DNAH11: variants seen among roughly 807,000 people sequenced by gnomAD.
DNAH11 encodes the protein dynein axonemal heavy chain 11.
Under a neutral mutation model 526.0 loss-of-function variants are expected in DNAH11, and 442 were observed. That is an observed-to-expected ratio of 0.84 (90% CI 0.78 to 0.91). The LOEUF is 0.91. Among genes scored for constraint, DNAH11 ranks in the 40% least tolerant of loss-of-function variants. The pLI is 0.00. For missense variants in DNAH11, 6,989 were observed against 5,448.7 expected (o/e 1.28, Z -8.90); for synonymous variants, 2,461 against 1,935.9 (o/e 1.27, Z -7.12).
chr7:21,619,381 G>C (rs1353085770), intron 24 of DNAH11, among the ~76,000 whole-genome samples, 159 bp downstream of exon 24: 3 of 152,164 alleles, frequency 2.0e-5, no homozygotes, highest in Non-Finnish European at 2.9e-5. Context: ...GCAGGAACTA[G>C]AATCATTCTA....
At chr7:21,605,520 G>T (rs776919764) in intron 18 of DNAH11, among the ~76,000 whole-genome samples, 1 of 152,174 alleles carries the variant, frequency 6.6e-6, no homozygotes, top group Non-Finnish European at 1.5e-5. Context: ...CCTACATAGA[G>T]TAGGAATTAA....
intron 54 of DNAH11, among the ~76,000 whole-genome samples, chr7:21,753,752 T>C (rs17145244): frequency 0.027 from 4,107 of 152,278 alleles, 171 homozygotes; most frequent in Admixed American, 0.11. Flanking sequence ...TCATTTCCAA[T>C]TGCTCTTTCT....
At chr7:21,582,064 T>C (rs1281937667) in intron 9 of DNAH11, 43 bp downstream of exon 9, 1 of 1,250,648 alleles carries the variant, frequency 8.0e-7, no homozygotes, top group Non-Finnish European at 1.2e-6. Flanking sequence ...TTACTATGAA[T>C]AATATAGGCT....
intron 2 of DNAH11, among the ~76,000 whole-genome samples, chr7:21,551,718 T>C (rs1359010921): frequency 6.6e-6 from 1 of 152,234 alleles, no homozygotes; most frequent in Non-Finnish European, 1.5e-5. Flanking sequence ...TATCCCATCA[T>C]GTAGTGGAGC....
chr7:21,703,801 T>A (rs569502627), intron 37 of DNAH11: 2 of 152,216 alleles, frequency 1.3e-5, no homozygotes, highest in African/African-American at 4.8e-5. Flanking sequence ...ATTTTTTAAA[T>A]TGTGGGATAT....
chr7:21,593,115 T>C (rs1784746362), intron 14 of DNAH11, among the ~76,000 whole-genome samples: 1 of 152,032 alleles, frequency 6.6e-6, no homozygotes, highest in Non-Finnish European at 1.5e-5. Context: ...CTCGAAGTCC[T>C]CCCTAGGTCA....
At chr7:21,766,568 C>G (rs933410009) in intron 55 of DNAH11, among the ~76,000 whole-genome samples, 1 of 152,190 alleles carries the variant, frequency 6.6e-6, no homozygotes, top group African/African-American at 2.4e-5. Flanking sequence ...TAACTGCCAC[C>G]TTTCCAAAGC....
chr7:21,549,098 C>G (rs1309267559), intron 2 of DNAH11, among the ~76,000 whole-genome samples: 4 of 152,196 alleles, frequency 2.6e-5, no homozygotes, highest in Admixed American at 2.6e-4. Flanking sequence ...AGGCTGGTCT[C>G]GAACTCCTGA....
chr7:21,831,298 C>T (rs546720466), intron 65 of DNAH11, among the ~76,000 whole-genome samples: 20 of 152,290 alleles, frequency 1.3e-4, no homozygotes, highest in African/African-American at 4.6e-4. Context: ...ATTCTGTTTG[C>T]TTTTCCCACC....
chr7:21,577,622 G>A (rs1583496756), intron 8 of DNAH11, among the ~76,000 whole-genome samples: 1 of 152,138 alleles, frequency 6.6e-6, no homozygotes, highest in African/African-American at 2.4e-5. Flanking sequence ...CCAACCCAGC[G>A]GTAACAAGGA....
chr7:21,725,109 A>G (rs958239628), intron 44 of DNAH11, among the ~76,000 whole-genome samples: 6 of 152,170 alleles, frequency 3.9e-5, no homozygotes, highest in Non-Finnish European at 7.3e-5. Context: ...TAAAGCAAGC[A>G]CCTCCCAGTA....
Position 21,866,651 on chromosome 7 carries a change from C to T in DNAH11, c.11678C>T (p.Thr3893Met), listed in dbSNP as rs763843747. ...AGAGCAATGCGCCCTGACAGAATGA[C>T]GTATGCTCTCAGGTGGGGTGGTCAG... The part of the protein sequence containing the change: ...LLRAMRPDRM[T>M]YALRNFVEEK... The change falls in exon 71 of 82, where the codon ACG becomes ATG. Residue 3893 changes from threonine (T) to methionine (M), a missense_variant. Coordinates refer to ENST00000409508, the MANE Select transcript of DNAH11 (RefSeq NM_001277115.2). 9.7e-5 allele frequency: 156 copies of T among 1,611,522 alleles called. No homozygotes were observed. The highest frequency in any genetic ancestry group is 1.2e-4 in the Admixed American group (7 of 59,728).
At chr7:21,631,501 A>C (rs950211794) in intron 25 of DNAH11, among the ~76,000 whole-genome samples, 3 of 152,234 alleles carry the variant, frequency 2.0e-5, no homozygotes, top group African/African-American at 7.2e-5. Context: ...GTTACTTCCT[A>C]GATAAAATGG....
chr7:21,690,275 G>A (rs1407524938), intron 34 of DNAH11, among the ~76,000 whole-genome samples: 1 of 152,174 alleles, frequency 6.6e-6, no homozygotes, highest in Non-Finnish European at 1.5e-5. Context: ...GTACCTCTCA[G>A]TGATATTTAA....
Position 21,842,528 on chromosome 7 carries a change from G to T in DNAH11, c.10692-16G>T, listed in dbSNP as rs886038456. 4 of 1,609,532 alleles carry T rather than the reference G, an allele frequency of 2.5e-6. 1 individual carries two copies. Among genetic ancestry groups the T allele is most frequent in the Non-Finnish European group, 3.4e-6 (4 of 1,176,820 alleles). The stretch of plus-strand genomic sequence containing the variant: ...TCATAGGAGTCTCCTGAAAGTCTGT[G>T]TTTTGCTCCGTTTAGGTATATCAGG... On this transcript the variant is annotated splice_polypyrimidine_tract_variant and intron_variant, in intron 65 of 81. Coordinates refer to ENST00000409508, the MANE Select transcript of DNAH11 (RefSeq NM_001277115.2).
At chr7:21,708,815 G>C (rs1583615109) in intron 40 of DNAH11, among the ~76,000 whole-genome samples, 1 of 152,070 alleles carries the variant, frequency 6.6e-6, no homozygotes. Flanking sequence ...TTCAGCATCT[G>C]GTGAAATGTC....
At chr7:21,653,101 C>G (rs946453114) in intron 28 of DNAH11, among the ~76,000 whole-genome samples, 1 of 152,142 alleles carries the variant, frequency 6.6e-6, no homozygotes, top group African/African-American at 2.4e-5. Flanking sequence ...GTTTGGAACT[C>G]CTGACCTCAG....
intron 61 of DNAH11, among the ~76,000 whole-genome samples, chr7:21,789,812 C>CTTTCTTTCTTTTTCTTTCTTTCTTT (rs1554281417): frequency 1.1e-4 from 8 of 76,156 alleles, no homozygotes; most frequent in African/African-American, 3.4e-4. Flanking sequence ...TTTCTTTTTT[C>CTTTCTTTCTTTTTCTTTCTTTCTTT]TTTCTTTCTT....
chr7:21,697,253 A>G (rs963598234), intron 35 of DNAH11, among the ~76,000 whole-genome samples: 3 of 152,070 alleles, frequency 2.0e-5, no homozygotes, highest in Non-Finnish European at 4.4e-5. Flanking sequence ...GTGAATAGCA[A>G]TTGTCTTTGG....
Sources: gnomAD v4.1 joint callset for allele counts (sites outside exome capture counted in the v4.1 genomes callset) on GRCh38, gnomAD v4.1.1 for gene constraint, MANE v1.5 for transcripts, NCBI Gene and HGNC (gene_info 2026-07-23, HGNC 2026-07-21) for gene names.